The following DUSP22 variants were observed in gnomAD, a reference collection of about 807,000 sequenced individuals.
DUSP22 encodes the protein dual specificity phosphatase 22.
Under a neutral mutation model 24.5 loss-of-function variants are expected in DUSP22, and 24 were observed. The observed-to-expected ratio is 0.98, with a 90% CI of 0.71 to 1.38. The LOEUF is 1.38. DUSP22 is among the 40% of genes most tolerant of loss of function. DUSP22 has a pLI of 0.00. For synonymous variants in DUSP22, 160 were observed against 106.4 expected (o/e 1.50, Z -3.10); for missense variants, 330 against 269.2 (o/e 1.23, Z -1.58).
Position 348,194 on chromosome 6 carries a change from CG to C in DUSP22, c.356del (p.Arg119LeufsTer32). 1 of 1,614,306 alleles carries C rather than the reference CG, an allele frequency of 6.2e-7. No individual in the cohort carries two copies. The highest frequency in any genetic ancestry group is 8.5e-7 in the Non-Finnish European group (1 of 1,180,054). On this transcript the variant is annotated frameshift_variant, in exon 6 of 7. Transcript: ENST00000419235. LOFTEE classifies it high-confidence loss of function. ...FGWEDALHTV[R>X]AGRSCANPNV... ...CTGGGAGGATGCCCTGCACACCGTG[CG>C]TGCTGGGAGATCCTGTGCCAACCCC...
Position 349,862 on chromosome 6 carries a change from A to C in DUSP22, c.*911A>C. On this transcript the variant is annotated 3_prime_UTR_variant, in exon 7 of 7. Transcript: ENST00000419235. Reference sequence around the variant, plus strand: ...TGGTGGGCAGGCGCACTTTAGCCTAAGTTGGGTGCCCCAGGGCACCCCCTC... The same window carrying C: ...TGGTGGGCAGGCGCACTTTAGCCTACGTTGGGTGCCCCAGGGCACCCCCTC... 1 of 986,026 alleles carries C rather than the reference A, an allele frequency of 1.0e-6. No homozygotes were observed. The highest frequency in any genetic ancestry group is 1.2e-6 in the Non-Finnish European group (1 of 830,354). 61.1% of individuals were successfully genotyped at this position (986,026 alleles called of 1,614,324 possible). A position where few individuals can be genotyped will look rare whatever the true frequency, so the allele number is the denominator to read the frequency against.
At position 351,025 on chromosome 6, in the gene DUSP22, T is replaced by A; in HGVS notation, c.*2074T>A. 9.0e-7 allele frequency: 1 copy of A among 1,110,728 alleles called. No homozygotes were observed. Among genetic ancestry groups the A allele is most frequent in the Non-Finnish European group, 1.3e-6 (1 of 762,038 alleles). The allele number at this position is 1,110,728 out of a possible 1,614,324, so 68.8% of individuals were successfully genotyped here. A position where few individuals can be genotyped will look rare whatever the true frequency, so the allele number is the denominator to read the frequency against. ...ACGTAGTCATGTTTATGTTGAGAAC[T>A]AAGGATATTCTTTAGCAAGAGAAAA... On this transcript the variant is annotated 3_prime_UTR_variant, in exon 7 of 7. Coordinates refer to ENST00000419235, the MANE Select transcript of DUSP22 (RefSeq NM_001286555.3).
At chr6:347,206 A>AGTATCTGTCTGGT (rs1457977333) in intron 5 of DUSP22, among the ~76,000 whole-genome samples, 7 of 152,298 alleles carry the variant, frequency 4.6e-5, no homozygotes, top group Non-Finnish European at 7.3e-5. Context: ...TCTGTCTTTT[A>AGTATCTGTCTGGT]AGATCTCTCC....
intron 5 of DUSP22, among the ~76,000 whole-genome samples, chr6:346,706 A>G (rs1759896360): frequency 6.6e-6 from 1 of 152,302 alleles, no homozygotes; most frequent in South Asian, 2.1e-4. Flanking sequence ...GTGTGTTATT[A>G]ATTAACTGGA....
At chr6:314,504 A>G (rs1297408058) in intron 3 of DUSP22, among the ~76,000 whole-genome samples, 1 of 152,308 alleles carries the variant, frequency 6.6e-6, no homozygotes, top group African/African-American at 2.4e-5. Flanking sequence ...GTTACTTAGC[A>G]TCAGTTACAA....
At chr6:327,044 G>T (rs1368315675) in intron 3 of DUSP22, among the ~76,000 whole-genome samples, 5 of 152,424 alleles carry the variant, frequency 3.3e-5, no homozygotes, top group African/African-American at 1.2e-4. Context: ...CCACCATGAG[G>T]TGAGGGGCCA....
At chr6:296,919 TC>T (rs1757361049) in intron 1 of DUSP22, among the ~76,000 whole-genome samples, 1 of 152,294 alleles carries the variant, frequency 6.6e-6, no homozygotes, top group Non-Finnish European at 1.5e-5. Context: ...TCTTCCTTCC[TC>T]CCTGCTGTGT....
intron 6 of DUSP22, 159 bp from the exon 7 acceptor site, chr6:348,610 A>G: frequency 7.8e-7 from 1 of 1,275,240 alleles, no homozygotes; most frequent in Non-Finnish European, 1.1e-6. Flanking sequence ...CTCTTGCTTG[A>G]CCCTGGCTGG....
rs57565793 is a variant in DUSP22, at chr6:350,405, A to G, written c.*1454A>G. On this transcript the variant is annotated 3_prime_UTR_variant, in exon 7 of 7. Coordinates refer to ENST00000419235, the MANE Select transcript of DUSP22 (RefSeq NM_001286555.3). ...TGCAGAGTCACTCGAATGAAAAAAC[A>G]TACTCGACCTCTCCCTAAAAAGATG... 1.9e-3 allele frequency: 2,044 copies of G among 1,100,510 alleles called. No homozygotes were observed. The highest frequency in any genetic ancestry group is 8.9e-3 in the Middle Eastern group (21 of 2,360). 68.2% of individuals were successfully genotyped at this position (1,100,510 alleles called of 1,614,324 possible).
intron 1 of DUSP22, among the ~76,000 whole-genome samples, chr6:304,251 G>T (rs929759687): frequency 6.6e-6 from 1 of 152,304 alleles, no homozygotes; most frequent in Non-Finnish European, 1.5e-5. Context: ...GAGTGTAACC[G>T]CCTGCAGTGG....
At chr6:313,707 T>C (rs539104480) in intron 3 of DUSP22, among the ~76,000 whole-genome samples, 88 of 152,392 alleles carry the variant, frequency 5.8e-4, no homozygotes, top group Middle Eastern at 3.4e-3. Context: ...TGATTTTATA[T>C]TTATTGTTAT....
chr6:295,899 CG>C (rs1302051280), intron 1 of DUSP22, among the ~76,000 whole-genome samples: 1 of 151,950 alleles, frequency 6.6e-6, no homozygotes, highest in East Asian at 1.9e-4. Flanking sequence ...TGAGGTCAAA[CG>C]ACCTTATATT....
chr6:302,913 C>T (rs145637981), intron 1 of DUSP22, among the ~76,000 whole-genome samples: 7,231 of 150,116 alleles, frequency 0.048, 21 homozygotes, highest in Non-Finnish European at 0.077. Flanking sequence ...GATTAGACAT[C>T]GGGGTGGAGG....
At chr6:322,199 C>T (rs1758626695) in intron 3 of DUSP22, among the ~76,000 whole-genome samples, 1 of 152,416 alleles carries the variant, frequency 6.6e-6, no homozygotes, top group South Asian at 2.1e-4. Context: ...TTAAATAAAA[C>T]CATGGGAGAA....
chr6:348,600 C>G, intron 6 of DUSP22, 169 bp from the exon 7 acceptor site: 2 of 1,192,278 alleles, frequency 1.7e-6, no homozygotes, highest in Non-Finnish European at 2.4e-6. Context: ...GCAGTTCCTT[C>G]TCTTGCTTGA....
At chr6:345,524 A>G (rs1759822088) in intron 4 of DUSP22, among the ~76,000 whole-genome samples, 2 of 152,298 alleles carry the variant, frequency 1.3e-5, no homozygotes, top group South Asian at 2.1e-4. Flanking sequence ...TCTGGTTTCC[A>G]TTACCTGGTG....
At chr6:324,993 A>C (rs1758789055) in intron 3 of DUSP22, among the ~76,000 whole-genome samples, 1 of 152,302 alleles carries the variant, frequency 6.6e-6, no homozygotes, top group African/African-American at 2.4e-5. Flanking sequence ...CGGGAAGGGG[A>C]GGCTGGCTCA....
chr6:313,390 C>T (rs1452259757), intron 3 of DUSP22, among the ~76,000 whole-genome samples: 1 of 152,420 alleles, frequency 6.6e-6, no homozygotes, highest in Admixed American at 6.5e-5. Flanking sequence ...TCAAAGAGCT[C>T]CAGCCCTTAT....
At position 348,852 on chromosome 6, in the gene DUSP22, G is replaced by A; in HGVS notation, c.519G>A (p.Lys173=). The stretch of plus-strand genomic sequence containing the variant: ...CCAAAAACATTCTGGGTAAATATAA[G>A]GAGCAAGGGCGCACAGAGCCCCAGC... ...EEAKNILGKY[K]EQGRTEPQPG... Residue 173 remains lysine (K), a synonymous_variant, in exon 7 of 7, where the codon AAG becomes AAA. Transcript: ENST00000419235. The A allele has an allele frequency of 2.5e-6, 4 of 1,614,318 alleles. No homozygotes were observed. The highest frequency in any genetic ancestry group is 3.4e-6 in the Non-Finnish European group (4 of 1,180,062).
Sources: gnomAD v4.1 joint callset for allele counts (sites outside exome capture counted in the v4.1 genomes callset) on GRCh38, gnomAD v4.1.1 for gene constraint, MANE v1.5 for transcripts, NCBI Gene and HGNC (gene_info 2026-07-23, HGNC 2026-07-21) for gene names.